Variants in DCN observed in about 807,000 individuals in gnomAD.
DCN encodes the protein bone proteoglycan II.
Under a neutral mutation model 36.5 loss-of-function variants are expected in DCN, and 17 were observed. The observed-to-expected ratio is 0.47, with a 90% CI of 0.32 to 0.70. DCN has a LOEUF of 0.70. Ranked by LOEUF, DCN falls within the 30% of genes least tolerant of loss-of-function variation. DCN has a pLI of 0.04. For synonymous variants in DCN, 163 were observed against 161.4 expected, an observed-to-expected ratio of 1.01 and a Z score of -0.07; for missense variants, 389 against 430.1, an observed-to-expected ratio of 0.90 and a Z score of 0.84.
intron 1 of DCN, among the ~76,000 whole-genome samples, chr12:91,182,155 T>G (rs938742314): frequency 6.6e-6 from 1 of 152,148 alleles, no homozygotes; most frequent in African/African-American, 2.4e-5. Flanking sequence ...GGTGATAATT[T>G]CTGTTCATTT....
chr12:91,167,460 C>G (rs956400543), intron 2 of DCN, among the ~76,000 whole-genome samples: 13 of 144,106 alleles, frequency 9.0e-5, no homozygotes, highest in Non-Finnish European at 3.0e-5. Flanking sequence ...GACACACACA[C>G]ACAGACAGAC....
intron 7 of DCN, among the ~76,000 whole-genome samples, chr12:91,147,800 T>C (rs750369161): frequency 2.0e-5 from 3 of 152,196 alleles, no homozygotes; most frequent in Non-Finnish European, 2.9e-5. Context: ...TAGGAAGTTT[T>C]AACAAATACA....
chr12:91,172,364 C>T (rs2121295677), intron 2 of DCN: 1 of 155,034 alleles, frequency 6.5e-6, no homozygotes, highest in South Asian at 1.9e-4. Context: ...TATTCAACTT[C>T]ATAATTGGGA....
In DCN at chr12:91,151,683, C is replaced by G. The variant is rs533448754; in HGVS notation, c.856G>C (p.Gly286Arg). The change falls in exon 7 of 8, where the codon GGT (glycine) becomes CGT (arginine). Residue 286 changes from glycine (G) to arginine (R), a missense_variant. By Grantham distance (125) the Gly-to-Arg change is moderately radical (BLOSUM62 -2). Transcript: ENST00000052754. The stretch of plus-strand genomic sequence containing the variant: ...ATGTACTTATGCTCTGCCAGCCCAC[C>G]AGGTACTCTGGTAAGCTTGTTGTTG... ...LDNNKLTRVP[G>R]GLAEHKYIQV... The G allele has an allele frequency of 4.3e-6, 7 of 1,614,052 alleles. No individual in the cohort carries two copies. The highest frequency in any genetic ancestry group is 4.0e-5 in the African/African-American group (3 of 75,020).
chr12:91,175,825 A>T (rs1212489550), intron 2 of DCN: 1 of 152,132 alleles, frequency 6.6e-6, no homozygotes, highest in Non-Finnish European at 1.5e-5. Flanking sequence ...AACAAATTAA[A>T]AAATCAACTA....
intron 6 of DCN, among the ~76,000 whole-genome samples, chr12:91,152,248 C>A (rs908955916): frequency 2.6e-5 from 4 of 151,788 alleles, no homozygotes; most frequent in Admixed American, 6.6e-5. Flanking sequence ...ACCACTTTTC[C>A]CATCAAAGAA....
At chr12:91,152,327 A>T (rs1052011392) in intron 6 of DCN, among the ~76,000 whole-genome samples, 9 of 148,690 alleles carry the variant, frequency 6.1e-5, no homozygotes, top group African/African-American at 2.1e-4. Context: ...ACATTCAAAG[A>T]TATATTTTAT....
At position 91,158,321 on chromosome 12, in the gene DCN, A is replaced by G; in HGVS notation, c.513T>C (p.Asn171=). ...EITKVRKVTF[N]GLNQMIVIEL... is the part of the protein sequence containing the mutation. The stretch of plus-strand genomic sequence containing the variant: ...CTATGACAATCATCTGGTTCAGTCC[A>G]TTGAAAGTAACTTTTCGCACTTTGG... Residue 171 remains asparagine (N), a synonymous_variant, in exon 4 of 8, where the codon AAT becomes AAC. Transcript: ENST00000052754. 3.7e-6 allele frequency: 6 copies of G among 1,610,816 alleles called. No individual in the cohort carries two copies. The highest frequency in any genetic ancestry group is 5.1e-6 in the Non-Finnish European group (6 of 1,176,916).
chr12:91,158,184 G>C, intron 4 of DCN, 112 bp downstream of exon 4: 1 of 730,564 alleles, frequency 1.4e-6, no homozygotes, highest in Non-Finnish European at 2.5e-6. Flanking sequence ...AATCACATAG[G>C]CTCCAGGCAT....
intron 2 of DCN, chr12:91,177,738 T>C (rs1326799132): frequency 2.9e-6 from 2 of 695,168 alleles, no homozygotes; most frequent in Non-Finnish European, 5.3e-6. Flanking sequence ...CCTTTGAAAC[T>C]TTCTAAAGAA....
At position 91,178,627 on chromosome 12, in the gene DCN, A is replaced by C. The variant is rs3138168; in HGVS notation, c.-33-42T>G. ...AGATTTAAGAAGAGTAGCACTGCCT[A>C]ATCTGTGTGTCGTTTCTTATATAAT... is the stretch of plus-strand genomic sequence containing the variant. On this transcript the variant is annotated intron_variant, in intron 1 of 7. Transcript: ENST00000052754. 3.9e-3 allele frequency: 4,749 copies of C among 1,221,060 alleles called. 118 individuals are homozygous for C. The African/African-American group carries it at 0.058, about 15-fold the overall frequency. 75.6% of individuals were successfully genotyped at this position (1,221,060 alleles called of 1,614,324 possible).
At chr12:91,178,668 G>A in intron 1 of DCN, 83 bp from the exon 2 acceptor site, 2 of 820,448 alleles carry the variant, frequency 2.4e-6, no homozygotes, top group East Asian at 2.6e-5. Context: ...ACAATACAGT[G>A]AGCACAGAGA....
At chr12:91,172,903 A>T in intron 2 of DCN, 1 of 589,470 alleles carries the variant, frequency 1.7e-6, no homozygotes, top group Non-Finnish European at 3.0e-6. Context: ...ATATAAAAAG[A>T]TAAAAGATAT....
In DCN at chr12:91,178,639, G is replaced by A. The variant is rs145908340; in HGVS notation, c.-33-54C>T. On this transcript the variant is annotated intron_variant, in intron 1 of 7. Transcript: ENST00000052754. ...AGTAGCACTGCCTAATCTGTGTGTC[G>A]TTTCTTATATAATATGCCACAATAC... 140 of 1,074,412 alleles carry A rather than the reference G, an allele frequency of 1.3e-4. 1 individual carries two copies. In the East Asian group the frequency reaches 2.8e-3, roughly 22 times the overall value. The allele number at this position is 1,074,412 out of a possible 1,614,324, so 66.6% of individuals were successfully genotyped here.
At chr12:91,147,368 T>C (rs1008741227) in intron 7 of DCN, among the ~76,000 whole-genome samples, 2 of 152,166 alleles carry the variant, frequency 1.3e-5, no homozygotes, top group Non-Finnish European at 2.9e-5. Flanking sequence ...CATTCTGCCA[T>C]TCTCTGGGGC....
At chr12:91,148,365 G>T (rs1316708867) in intron 7 of DCN, among the ~76,000 whole-genome samples, 2 of 151,992 alleles carry the variant, frequency 1.3e-5, no homozygotes, top group East Asian at 3.9e-4. Context: ...GAGCCACTGC[G>T]TCCTGCCACC....
intron 2 of DCN, chr12:91,172,721 C>A (rs1254528264): frequency 2.9e-6 from 2 of 695,686 alleles, no homozygotes; most frequent in African/African-American, 3.5e-5. Context: ...GTAGAATATT[C>A]ATCCAAGCAT....
chr12:91,146,763 C>T (rs1289001247), intron 7 of DCN, among the ~76,000 whole-genome samples: 1 of 152,206 alleles, frequency 6.6e-6, no homozygotes, highest in African/African-American at 2.4e-5. Flanking sequence ...CAGTAAATTG[C>T]ATGCCAATCA....
chr12:91,155,846 C>G (rs1881735233), intron 5 of DCN, among the ~76,000 whole-genome samples: 1 of 152,078 alleles, frequency 6.6e-6, no homozygotes, highest in Non-Finnish European at 1.5e-5. Flanking sequence ...AAAGCATGCT[C>G]TGTATTCAAA....
Sources: allele counts gnomAD v4.1 joint callset (sites outside exome capture counted in the v4.1 genomes callset), GRCh38; gene constraint gnomAD v4.1.1; transcripts MANE v1.5; gene names NCBI Gene and HGNC (gene_info 2026-07-23, HGNC 2026-07-21).